IQCE: variants seen among roughly 807,000 people sequenced by gnomAD.
IQCE encodes the protein IQ motif containing E.
Under a neutral mutation model 96.0 loss-of-function variants are expected in IQCE, and 115 were observed. The observed-to-expected ratio is 1.20, with a 90% confidence interval of 1.03 to 1.40. IQCE has a LOEUF of 1.40. Among genes scored for constraint, IQCE ranks in the 40% most tolerant of loss-of-function variants. IQCE has a pLI of 0.00. For synonymous variants in IQCE, 412 were observed against 371.2 expected (o/e 1.11, Z -1.26); for missense variants, 1,041 against 909.1 (o/e 1.15, Z -1.87).
intron 12 of IQCE, among the ~76,000 whole-genome samples, chr7:2,586,948 C>G (rs1783169314): frequency 6.6e-6 from 1 of 152,114 alleles, no homozygotes; most frequent in Non-Finnish European, 1.5e-5. Flanking sequence ...GTGCTGCTTC[C>G]CGAGGCCCCC....
intron 21 of IQCE, among the ~76,000 whole-genome samples, chr7:2,608,671 T>G (rs1486697744): frequency 6.6e-6 from 1 of 152,238 alleles, no homozygotes; most frequent in Non-Finnish European, 1.5e-5. Flanking sequence ...ACCCTGCCTT[T>G]GGTGACCTTT....
At position 2,572,732 on chromosome 7, in the gene IQCE, C is replaced by T. The variant is rs151153223; in HGVS notation, c.394+406C>T. 2.8e-3 allele frequency: 1,272 copies of T among 457,428 alleles called. 15 individuals carry two copies. The highest frequency in any genetic ancestry group is 0.021 in the African/African-American group (1,055 of 50,080). 28.3% of individuals were successfully genotyped at this position (457,428 alleles called of 1,614,324 possible). On this transcript the variant is annotated intron_variant, in intron 5 of 21. Transcript: ENST00000402050. ...TGCCTAGTCTCTTTTTTTTTAGAGA[C>T]GGAATCTCGCTGTGTTGCCCAGGCT...
At chr7:2,575,437 C>T (rs1249172682) in intron 6 of IQCE, among the ~76,000 whole-genome samples, 1 of 152,248 alleles carries the variant, frequency 6.6e-6, no homozygotes, top group Non-Finnish European at 1.5e-5. Context: ...GGAAGGGCCA[C>T]CTGTACTGCT....
At chr7:2,565,087 C>T (rs1221956132) in intron 1 of IQCE, among the ~76,000 whole-genome samples, 4 of 143,202 alleles carry the variant, frequency 2.8e-5, no homozygotes, top group South Asian at 4.3e-4. Context: ...TGCATGTGTG[C>T]GTGTGTGTGC....
chr7:2,571,553 A>G lies in IQCE; in HGVS notation c.158A>G (p.Lys53Arg). The G allele has an allele frequency of 6.2e-7, 1 of 1,606,124 alleles. No individual in the cohort carries two copies. Residue 53 changes from lysine to arginine, a missense_variant, in exon 4 of 22, where the codon AAA (lysine) becomes AGA (arginine). Lys to Arg is a conservative substitution (Grantham distance 26, BLOSUM62 2). Coordinates refer to ENST00000402050, the MANE Select transcript of IQCE (RefSeq NM_152558.5). Reference protein sequence around the residue: ...PKSPYLSKPRKVASWRSLRTA... With the variant: ...PKSPYLSKPRRVASWRSLRTA... Reference sequence around the variant, plus strand: ...TCACCTTATCTCTCTAAGCCGAGAAAAGTGGCCTCCTGGAGGTCCCTCAGG... The same window carrying G: ...TCACCTTATCTCTCTAAGCCGAGAAGAGTGGCCTCCTGGAGGTCCCTCAGG...
chr7:2,605,099 C>A, intron 19 of IQCE, 108 bp downstream of exon 19: 1 of 760,268 alleles, frequency 1.3e-6, no homozygotes, highest in East Asian at 2.7e-5. Context: ...CATCCCCGCC[C>A]GCCCAGCAGG....
rs543672247 is a variant in IQCE at position 2,594,112 on chromosome 7, T to C, written c.1350-774T>C. Among the ~76,000 whole-genome samples the C allele has an allele frequency of 2.0e-5, 3 of 152,128 alleles. No individual in the cohort carries two copies. In the East Asian group the frequency reaches 5.8e-4, roughly 29 times the overall value. ...CCGTCTCTACCAAAAATACAAAAAT[T>C]AGCCGGGCACAGTGACAGGTGCCTG... On this transcript the variant is annotated intron_variant, in intron 15 of 21. Coordinates refer to ENST00000402050, the MANE Select transcript of IQCE (RefSeq NM_152558.5).
intron 17 of IQCE, among the ~76,000 whole-genome samples, chr7:2,599,843 G>A (rs1784315690): frequency 6.6e-6 from 1 of 151,690 alleles, no homozygotes; most frequent in South Asian, 2.1e-4. Flanking sequence ...GCCCAGGCTG[G>A]AGTGCAGTGG....
intron 9 of IQCE, 50 bp from the exon 10 acceptor site, chr7:2,583,587 C>T (rs562990654): frequency 1.2e-5 from 17 of 1,410,210 alleles, no homozygotes; most frequent in African/African-American, 2.9e-5. Flanking sequence ...CTTGCTCTGT[C>T]CCCTGGGAAC....
chr7:2,590,185 C>T, intron 14 of IQCE, 79 bp downstream of exon 14: 1 of 1,310,084 alleles, frequency 7.6e-7, no homozygotes, highest in Non-Finnish European at 1.1e-6. Flanking sequence ...CAGGCCCCGC[C>T]AGTGTCCCCA....
chr7:2,569,917 T>C (rs1781640543), intron 3 of IQCE, among the ~76,000 whole-genome samples: 1 of 152,122 alleles, frequency 6.6e-6, no homozygotes, highest in Non-Finnish European at 1.5e-5. Flanking sequence ...CACCTAGCAA[T>C]TTGGATTTTT....
chr7:2,582,689 C>G (rs747633690), intron 9 of IQCE, 39 bp downstream of exon 9: 1 of 1,578,456 alleles, frequency 6.3e-7, no homozygotes, highest in African/African-American at 1.3e-5. Context: ...GCCTTCCGCC[C>G]CGTGTTCTGC....
rs552310496 is a variant in IQCE, at chr7:2,587,731, G to A, written c.989-91G>A. ...CAGCCCCGCAGGCTGCTCCGGCTGCGGAAGAGGAGCCTCAGGCCATACCTG... is the reference window on the plus strand; with the variant it reads ...CAGCCCCGCAGGCTGCTCCGGCTGCAGAAGAGGAGCCTCAGGCCATACCTG... On this transcript the variant is annotated intron_variant, in intron 12 of 21. Transcript: ENST00000402050. 89 of 1,300,638 alleles carry A rather than the reference G, an allele frequency of 6.8e-5. 1 individual carries two copies. The highest frequency in any genetic ancestry group is 6.7e-4 in the South Asian group (56 of 84,162). 80.6% of individuals were successfully genotyped at this position (1,300,638 alleles called of 1,614,324 possible).
intron 2 of IQCE, among the ~76,000 whole-genome samples, chr7:2,568,101 C>G (rs553207403): frequency 2.6e-5 from 4 of 152,150 alleles, no homozygotes; most frequent in Non-Finnish European, 5.9e-5. Context: ...GGCCACGGCA[C>G]GACGGGTTGT....
chr7:2,578,815 C>G (rs1430309239), intron 8 of IQCE, among the ~76,000 whole-genome samples: 1 of 152,202 alleles, frequency 6.6e-6, no homozygotes, highest in Non-Finnish European at 1.5e-5. Flanking sequence ...GCTCCCAGCG[C>G]TTTGGGAGGC....
intron 11 of IQCE, among the ~76,000 whole-genome samples, chr7:2,584,943 G>A (rs1463422695): frequency 2.0e-5 from 3 of 152,126 alleles, no homozygotes; most frequent in Non-Finnish European, 4.4e-5. Flanking sequence ...TGGTAATCAC[G>A]TCCGCCTTAC....
At chr7:2,595,620 T>G (rs990166555) in intron 16 of IQCE, among the ~76,000 whole-genome samples, 3 of 152,072 alleles carry the variant, frequency 2.0e-5, no homozygotes, top group Non-Finnish European at 4.4e-5. Flanking sequence ...GGCTCTCTGC[T>G]GCCTCCCTGG....
intron 21 of IQCE, among the ~76,000 whole-genome samples, chr7:2,609,311 CTTTTT>C (rs58620813): frequency 0.044 from 6,095 of 139,878 alleles, 152 homozygotes; most frequent in Non-Finnish European, 0.063. Flanking sequence ...GGGAAGTTGG[CTTTTT>C]TTTTTTTTTT....
At chr7:2,605,115 C>G (rs1182555443) in intron 19 of IQCE, 124 bp downstream of exon 19, 5 of 677,500 alleles carry the variant, frequency 7.4e-6, no homozygotes, top group African/African-American at 1.8e-5. Context: ...GCAGGCGTCC[C>G]CTGCGCTCCA....
Sources: gnomAD v4.1 joint callset for allele counts (sites outside exome capture counted in the v4.1 genomes callset) on GRCh38, gnomAD v4.1.1 for gene constraint, MANE v1.5 for transcripts, NCBI Gene and HGNC (gene_info 2026-07-23, HGNC 2026-07-21) for gene names.